Variants in FLI1 observed in about 807,000 individuals in gnomAD.
FLI1 encodes the protein Friend leukemia integration 1 transcription factor.
A neutral mutation model predicts 53.1 loss-of-function variants in FLI1; 13 were observed. The ratio of observed to expected loss-of-function variants is 0.24; its 90% CI spans 0.16 to 0.39. FLI1 has a LOEUF of 0.39. FLI1 is among the 10% of genes least tolerant of loss of function. The pLI, the probability that FLI1 is intolerant of heterozygous loss-of-function variation, is 1.00. For missense variants in FLI1, 424 were observed against 600.5 expected (o/e 0.71, Z 3.07); for synonymous variants, 244 against 236.7 (o/e 1.03, Z -0.28).
At chr11:128,785,034 A>G (rs569023929) in intron 5 of FLI1, among the ~76,000 whole-genome samples, 1 of 152,358 alleles carries the variant, frequency 6.6e-6, no homozygotes, top group South Asian at 2.1e-4. Flanking sequence ...TCACCCTTCC[A>G]GCTTGTCTCT....
At chr11:128,749,255 G>A (rs977408289) in intron 1 of FLI1, among the ~76,000 whole-genome samples, 1 of 152,196 alleles carries the variant, frequency 6.6e-6, no homozygotes, top group African/African-American at 2.4e-5. Context: ...TAAAATGCTC[G>A]GAGACGTTCC....
At chr11:128,786,819 C>T (rs1183372675) in intron 5 of FLI1, among the ~76,000 whole-genome samples, 1 of 152,194 alleles carries the variant, frequency 6.6e-6, no homozygotes, top group South Asian at 2.1e-4. Flanking sequence ...GTTTAAATAC[C>T]TCTGACTTTC....
At chr11:128,764,664 C>A (rs1941259799) in intron 2 of FLI1, 1 of 1,534,996 alleles carries the variant, frequency 6.5e-7, no homozygotes, top group Non-Finnish European at 8.7e-7. Context: ...CCAGCTGCCT[C>A]ATTAAAGAGC....
chr11:128,707,592 G>T (rs772424419), intron 1 of FLI1, among the ~76,000 whole-genome samples: 3 of 152,144 alleles, frequency 2.0e-5, no homozygotes, highest in Non-Finnish European at 4.4e-5. Context: ...GAGACTGTGG[G>T]TCTCTATAAA....
intron 1 of FLI1, chr11:128,748,138 ATCC>A: frequency 2.4e-5 from 8 of 339,552 alleles, no homozygotes; most frequent in Non-Finnish European, 2.9e-5. Context: ...GGATGCAGAG[ATCC>A]TCTTCTCTGT....
At chr11:128,695,251 G>T (rs1283329316) in intron 1 of FLI1, among the ~76,000 whole-genome samples, 1 of 152,266 alleles carries the variant, frequency 6.6e-6, no homozygotes, top group African/African-American at 2.4e-5. Flanking sequence ...CAGAAAAGTT[G>T]ACTGCTGTCT....
rs1942653443 is a variant in FLI1, at chr11:128,802,190, G to GA, written c.656-3175dup. ...TTCATACCCCTAGGGCAGAATGCAAGACTTTAGTTCTTGGCCTTCTGCATC... is the reference window on the plus strand; with the variant it reads ...TTCATACCCCTAGGGCAGAATGCAAGAACTTTAGTTCTTGGCCTTCTGCATC... On this transcript the variant is annotated intron_variant, in intron 5 of 8. Coordinates refer to ENST00000527786, the MANE Select transcript of FLI1 (RefSeq NM_002017.5). Among the ~76,000 whole-genome samples, 4 of 152,320 alleles carry GA rather than the reference G, an allele frequency of 2.6e-5. No homozygotes were observed. The South Asian group carries it at 8.3e-4, about 32-fold the overall frequency.
At chr11:128,689,460 C>G (rs563108637), upstream of FLI1, among the ~76,000 whole-genome samples, 5 of 152,288 alleles carry the variant, frequency 3.3e-5, no homozygotes, top group South Asian at 1.0e-3. Context: ...GAGGATTGGG[C>G]CCAGGCTGCA....
intron 1 of FLI1, among the ~76,000 whole-genome samples, chr11:128,744,977 T>C (rs779260129): frequency 6.6e-6 from 1 of 152,176 alleles, no homozygotes; most frequent in Non-Finnish European, 1.5e-5. Context: ...GGAGACTTCC[T>C]GGAGGAGGCA....
At chr11:128,768,064 C>G (rs1180404810) in intron 2 of FLI1, 54 bp from the exon 3 acceptor site, 1 of 1,505,920 alleles carries the variant, frequency 6.6e-7, no homozygotes, top group African/African-American at 1.4e-5. Flanking sequence ...GAGGCTGAGG[C>G]AAGCTGCCCT....
rs185784500 is a variant in FLI1 at position 128,710,158 on chromosome 11, C to T, written c.18+15882C>T. Among the ~76,000 whole-genome samples the T allele has an allele frequency of 2.6e-5, 4 of 152,260 alleles. No homozygotes were observed. In the East Asian group the frequency reaches 7.7e-4, roughly 29 times the overall value. On this transcript the variant is annotated intron_variant, in intron 1 of 8. Transcript: ENST00000527786. The stretch of plus-strand genomic sequence containing the variant: ...TCATATTGCTGTCTTTCACGGTACA[C>T]TGCACAACCAAGTATGATTATGTGA...
intron 1 of FLI1, among the ~76,000 whole-genome samples, chr11:128,737,261 CCACCT>C (rs1369892227): frequency 6.6e-6 from 1 of 152,138 alleles, no homozygotes; most frequent in Admixed American, 6.5e-5. Flanking sequence ...AGTTCCCTGA[CCACCT>C]CACCACACTA....
chr11:128,768,876 C>T lies in FLI1; in HGVS notation c.385+604C>T, dbSNP rs143798586. On this transcript the variant is annotated intron_variant, in intron 3 of 8. Transcript: ENST00000527786. ...GCTGCTCAGAGAGCAGAGGCAAGGC[C>T]GCCTCCACCCAAAAGGAATCCCGTG... is the stretch of plus-strand genomic sequence containing the variant. Among the ~76,000 whole-genome samples, 79 of 152,222 alleles carry T rather than the reference C, an allele frequency of 5.2e-4. 1 individual carries two copies. In the East Asian group the frequency reaches 0.011, roughly 21 times the overall value.
chr11:128,739,057 C>T (rs534608878), intron 1 of FLI1, among the ~76,000 whole-genome samples: 6 of 152,272 alleles, frequency 3.9e-5, no homozygotes, highest in East Asian at 1.9e-4. Context: ...ATGTTTGCTG[C>T]GGATAAGCAC....
intron 1 of FLI1, among the ~76,000 whole-genome samples, chr11:128,696,595 T>C (rs537607745): frequency 6.6e-6 from 1 of 152,350 alleles, no homozygotes; most frequent in South Asian, 2.1e-4. Flanking sequence ...GTGCCTAAAA[T>C]GTGCTCATAT....
chr11:128,723,291 C>A (rs554412332), intron 1 of FLI1, among the ~76,000 whole-genome samples: 2 of 152,004 alleles, frequency 1.3e-5, no homozygotes, highest in African/African-American at 4.8e-5. Flanking sequence ...GCAGTGTAGG[C>A]GGGATGGAAG....
rs537911113 is a variant in FLI1 at position 128,791,377 on chromosome 11, C to T, written c.655+9354C>T. Among the ~76,000 whole-genome samples the T allele has an allele frequency of 4.5e-4, 69 of 152,270 alleles. 2 individuals are homozygous for T. The South Asian group carries it at 0.013, about 30-fold the overall frequency. On this transcript the variant is annotated intron_variant, in intron 5 of 8. Coordinates refer to ENST00000527786, the MANE Select transcript of FLI1 (RefSeq NM_002017.5). ...CCCCAGTCCATATTCTAGGAAACCA[C>T]ACTCACCCTTTAGGGCCGTGGTCAG...
upstream of FLI1, among the ~76,000 whole-genome samples, chr11:128,685,495 C>T (rs1260657753): frequency 1.3e-5 from 2 of 151,846 alleles, no homozygotes; most frequent in Non-Finnish European, 2.9e-5. Flanking sequence ...CTCCTTTCTC[C>T]GGCTTTCTTT....
At chr11:128,710,115 T>G (rs1938727606) in intron 1 of FLI1, among the ~76,000 whole-genome samples, 1 of 152,168 alleles carries the variant, frequency 6.6e-6, no homozygotes, top group South Asian at 2.1e-4. Context: ...TCATGCATCA[T>G]CAATATTTTA....
Sources: allele counts gnomAD v4.1 joint callset (sites outside exome capture counted in the v4.1 genomes callset), GRCh38; gene constraint gnomAD v4.1.1; transcripts MANE v1.5; gene names NCBI Gene and HGNC (gene_info 2026-07-23, HGNC 2026-07-21).